The following RFTN1 variants were observed in gnomAD, a reference collection of about 807,000 sequenced individuals.
RFTN1 encodes the protein raftlin.
A neutral mutation model predicts 46.5 loss-of-function variants in RFTN1; 26 were observed. That is an observed-to-expected ratio of 0.56 (90% CI 0.41 to 0.78). The LOEUF (loss-of-function observed/expected upper bound fraction) is 0.78. Among genes scored for constraint, RFTN1 ranks in the 30% least tolerant of loss-of-function variants. The pLI, the probability that RFTN1 is intolerant of heterozygous loss-of-function variation, is 0.00. For missense variants in RFTN1, 693 were observed against 718.7 expected (o/e 0.96, Z 0.41); for synonymous variants, 261 against 284.2 (o/e 0.92, Z 0.82).
At chr3:16,420,488 G>C (rs1427069526) in intron 3 of RFTN1, among the ~76,000 whole-genome samples, 1 of 152,172 alleles carries the variant, frequency 6.6e-6, no homozygotes, top group Admixed American at 6.5e-5. Flanking sequence ...CTCTCTCATG[G>C]GACCTGTCCA....
intron 2 of RFTN1, among the ~76,000 whole-genome samples, chr3:16,487,856 C>G (rs554355986): frequency 2.0e-5 from 3 of 152,288 alleles, no homozygotes; most frequent in African/African-American, 7.2e-5. Flanking sequence ...TATGGGCCTC[C>G]ATCTGCGATG....
intron 4 of RFTN1, among the ~76,000 whole-genome samples, chr3:16,391,101 A>G (rs893863604): frequency 4.6e-5 from 7 of 152,084 alleles, no homozygotes; most frequent in Admixed American, 2.0e-4. Context: ...GACCATCACT[A>G]GTACCCCAAT....
intron 2 of RFTN1, among the ~76,000 whole-genome samples, chr3:16,467,448 C>T (rs926413969): frequency 3.3e-5 from 5 of 152,198 alleles, no homozygotes; most frequent in African/African-American, 9.7e-5. Flanking sequence ...GACATGGCCC[C>T]GGCTGCCTCC....
Position 16,448,594 on chromosome 3 carries a change from GA to G in RFTN1, c.146-14558del, listed in dbSNP as rs2075773551. ...TAACTGTCGCTATTCCAAATTGGAG[GA>G]AAAAAAGTACAACTTTTTACTGCCT... is the stretch of plus-strand genomic sequence containing the variant. On this transcript the variant is annotated intron_variant, in intron 2 of 9. Transcript: ENST00000334133. This position sits in a 1 kb window ranked among gnomAD's most constrained non-coding sequence, Gnocchi z 4.1. 6.6e-6 allele frequency among the ~76,000 whole-genome samples: 1 copy of G among 152,016 alleles called. No individual in the cohort carries two copies. Among genetic ancestry groups the G allele is most frequent in the South Asian group, 2.1e-4 (1 of 4,806 alleles).
intron 6 of RFTN1, among the ~76,000 whole-genome samples, chr3:16,364,297 G>T (rs1410468917): frequency 6.6e-6 from 1 of 152,228 alleles, no homozygotes; most frequent in African/African-American, 2.4e-5. Context: ...AATTCTGTAA[G>T]AGCTGTCATT....
rs181441204 is a variant in RFTN1 at position 16,369,892 on chromosome 3, G to A, written c.1030+184C>T. Among the ~76,000 whole-genome samples the A allele has an allele frequency of 7.2e-5, 11 of 152,326 alleles. 1 individual carries two copies. The highest frequency in any genetic ancestry group is 6.5e-4 in the Admixed American group (10 of 15,314). The stretch of plus-strand genomic sequence containing the variant: ...CCTGGCTGACTCGTAGAGAGGTTTT[G>A]AGAGCACAGGCCCTGGGCTTTATGG... On this transcript the variant is annotated intron_variant, in intron 6 of 9. Coordinates refer to ENST00000334133, the MANE Select transcript of RFTN1 (RefSeq NM_015150.2).
chr3:16,497,953 G>C (rs2076650774), intron 1 of RFTN1, among the ~76,000 whole-genome samples: 1 of 152,106 alleles, frequency 6.6e-6, no homozygotes, highest in Non-Finnish European at 1.5e-5. Context: ...TTGGGGTGGG[G>C]ATCAGAAGAG....
intron 1 of RFTN1, among the ~76,000 whole-genome samples, chr3:16,495,016 G>C (rs762564736): frequency 2.6e-5 from 4 of 152,124 alleles, no homozygotes; most frequent in Admixed American, 6.5e-5. Context: ...AAGCAACGAG[G>C]GCATGGGGCG....
chr3:16,419,941 T>C (rs962745686), intron 3 of RFTN1, among the ~76,000 whole-genome samples: 1 of 152,198 alleles, frequency 6.6e-6, no homozygotes, highest in African/African-American at 2.4e-5. Context: ...GTGCAAAGGA[T>C]ACTCCCACTA....
chr3:16,469,568 G>A (rs568144897), intron 2 of RFTN1, among the ~76,000 whole-genome samples: 3 of 152,312 alleles, frequency 2.0e-5, no homozygotes, highest in Admixed American at 6.5e-5. Context: ...AACTGGAGAC[G>A]CAAAGTGGGA....
chr3:16,478,279 C>G (rs886214365), intron 2 of RFTN1, among the ~76,000 whole-genome samples: 2 of 152,212 alleles, frequency 1.3e-5, no homozygotes, highest in African/African-American at 4.8e-5. Context: ...CCATTTCCAC[C>G]TCTTTCTAGC....
In RFTN1 at chr3:16,353,336, G is replaced by A. The variant is rs942315132; in HGVS notation, c.1146+4596C>T. Among the ~76,000 whole-genome samples, 3 of 152,158 alleles carry A rather than the reference G, an allele frequency of 2.0e-5. No homozygotes were observed. The highest frequency in any genetic ancestry group is 7.2e-5 in the African/African-American group (3 of 41,450). The stretch of plus-strand genomic sequence containing the variant: ...GCCTTAGAGAGGGGCAGGCAGGAGA[G>A]GGGCTGTCTGCAGGCCCAAGTCAGG... On this transcript the variant is annotated intron_variant, in intron 7 of 9. Transcript: ENST00000334133. This position sits in a 1 kb window ranked among gnomAD's most constrained non-coding sequence, Gnocchi z 5.4.
rs2072849515 is a variant in RFTN1, at chr3:16,361,790, T to G, written c.1031-3743A>C. Among the ~76,000 whole-genome samples the G allele has an allele frequency of 1.3e-5, 2 of 152,174 alleles. No homozygotes were observed. The highest frequency in any genetic ancestry group is 4.8e-5 in the African/African-American group (2 of 41,446). ...AGAGACATAAAAAGCACGTGTGTGGTTGAACTTGGCCTCTTGTGTCTTGGC... is the reference window on the plus strand; with the variant it reads ...AGAGACATAAAAAGCACGTGTGTGGGTGAACTTGGCCTCTTGTGTCTTGGC... On this transcript the variant is annotated intron_variant, in intron 6 of 9. Transcript: ENST00000334133. This position sits in a 1 kb window ranked among gnomAD's most constrained non-coding sequence, Gnocchi z 4.3.
intron 6 of RFTN1, among the ~76,000 whole-genome samples, chr3:16,367,612 G>A (rs933679707): frequency 2.0e-5 from 3 of 152,070 alleles, no homozygotes; most frequent in Non-Finnish European, 4.4e-5. Context: ...TTCATGTTCT[G>A]TCTTCAGGGC....
At chr3:16,357,795 C>G in intron 7 of RFTN1, 137 bp downstream of exon 7, 1 of 553,640 alleles carries the variant, frequency 1.8e-6, no homozygotes, top group East Asian at 2.9e-5. Context: ...CTAAGGGGAT[C>G]CTTCTAGGAC....
intron 7 of RFTN1, among the ~76,000 whole-genome samples, chr3:16,343,843 G>T (rs2071470016): frequency 6.6e-6 from 1 of 152,236 alleles, no homozygotes; most frequent in African/African-American, 2.4e-5. Context: ...CCTAGGTAAG[G>T]TGAAATGTGG....
rs1425675430 is a variant in RFTN1 at position 16,407,131 on chromosome 3, A to T, written c.441+2244T>A. 6.6e-6 allele frequency among the ~76,000 whole-genome samples: 1 copy of T among 152,196 alleles called. No individual in the cohort carries two copies. ...ACAGGACCACTGCAATGGGTCAGCC[A>T]TGCAATAACCTAATTTGGTTAAGAC... On this transcript the variant is annotated intron_variant, in intron 4 of 9. Transcript: ENST00000334133. The surrounding 1 kb of genome is among the most constrained non-coding windows in gnomAD (Gnocchi z 4.0).
intron 8 of RFTN1, among the ~76,000 whole-genome samples, chr3:16,325,742 G>A (rs1330869358): frequency 6.6e-6 from 1 of 152,194 alleles, no homozygotes; most frequent in Non-Finnish European, 1.5e-5. Context: ...GTGACCTAAT[G>A]TGGAATCTGA....
chr3:16,446,289 C>CT lies in RFTN1; in HGVS notation c.146-12253dup, dbSNP rs1230436767. ...TAAAGCTCAGAGGAAACCTAGAAACCTTTAAAAAAAAAAAAACTGTGGTAA... is the reference window on the plus strand; with the variant it reads ...TAAAGCTCAGAGGAAACCTAGAAACCTTTTAAAAAAAAAAAAACTGTGGTAA... On this transcript the variant is annotated intron_variant, in intron 2 of 9. Coordinates refer to ENST00000334133, the MANE Select transcript of RFTN1 (RefSeq NM_015150.2). This position sits in a 1 kb window ranked among gnomAD's most constrained non-coding sequence, Gnocchi z 4.5. Among the ~76,000 whole-genome samples the CT allele has an allele frequency of 1.4e-5, 2 of 146,652 alleles. No individual in the cohort carries two copies. Among genetic ancestry groups the CT allele is most frequent in the Admixed American group, 6.8e-5 (1 of 14,796 alleles).
Sources: allele counts gnomAD v4.1 joint callset (sites outside exome capture counted in the v4.1 genomes callset), GRCh38; gene constraint gnomAD v4.1.1; non-coding constraint Gnocchi (gnomAD v3.1); transcripts MANE v1.5; gene names NCBI Gene and HGNC (gene_info 2026-07-23, HGNC 2026-07-21).